Variants in DNER observed in about 807,000 individuals in gnomAD.
DNER encodes delta/notch like EGF repeat containing.
A neutral mutation model predicts 78.2 loss-of-function variants in DNER; 33 were observed. The ratio of observed to expected loss-of-function variants is 0.42; its 90% CI spans 0.32 to 0.56. The LOEUF (loss-of-function observed/expected upper bound fraction) is 0.56, where lower values mean the gene tolerates loss of function less well. DNER is among the 20% of genes least tolerant of loss of function. The pLI, the probability that DNER is intolerant of heterozygous loss-of-function variation, is 0.11. For missense variants in DNER, 918 were observed against 975.3 expected, an observed-to-expected ratio of 0.94 and a Z score of 0.78; for synonymous variants, 417 against 384.8, an observed-to-expected ratio of 1.08 and a Z score of -0.98.
chr2:229,683,346 C>T (rs941182867), intron 1 of DNER, among the ~76,000 whole-genome samples: 2 of 152,170 alleles, frequency 1.3e-5, no homozygotes, highest in Admixed American at 6.5e-5. Flanking sequence ...AACCTTGACA[C>T]GTTGCTGCCT....
At chr2:229,426,056 A>G (rs577036011) in intron 8 of DNER, among the ~76,000 whole-genome samples, 17 of 152,296 alleles carry the variant, frequency 1.1e-4, no homozygotes, top group Non-Finnish European at 1.0e-4. Context: ...TCTTTTCAGC[A>G]TGAGTGGATA....
At chr2:229,685,825 A>C (rs1008670183) in intron 1 of DNER, among the ~76,000 whole-genome samples, 1 of 152,200 alleles carries the variant, frequency 6.6e-6, no homozygotes, top group Non-Finnish European at 1.5e-5. Flanking sequence ...GCAAACGAGT[A>C]AACACATCAA....
intron 1 of DNER, among the ~76,000 whole-genome samples, chr2:229,704,705 T>G (rs972974128): frequency 5.3e-5 from 8 of 152,182 alleles, no homozygotes; most frequent in Admixed American, 5.2e-4. Flanking sequence ...AGGAAATGTA[T>G]AGGGATGATT....
At chr2:229,704,701 TG>T (rs1355375482) in intron 1 of DNER, among the ~76,000 whole-genome samples, 1 of 152,086 alleles carries the variant, frequency 6.6e-6, no homozygotes, top group Non-Finnish European at 1.5e-5. Context: ...CATGAGGAAA[TG>T]TATAGGGATG....
intron 2 of DNER, among the ~76,000 whole-genome samples, chr2:229,589,186 T>C (rs551053004): frequency 2.0e-5 from 3 of 152,198 alleles, no homozygotes; most frequent in Non-Finnish European, 4.4e-5. Context: ...ATTTATGCAC[T>C]TAGTCCTCAT....
chr2:229,489,193 T>A (rs901594080), intron 6 of DNER, among the ~76,000 whole-genome samples: 79 of 152,312 alleles, frequency 5.2e-4, no homozygotes, highest in African/African-American at 1.9e-3. Flanking sequence ...TAAGGCAGCA[T>A]GGCCTGCGGG....
At chr2:229,614,401 G>A (rs1698113823) in intron 1 of DNER, among the ~76,000 whole-genome samples, 1 of 152,006 alleles carries the variant, frequency 6.6e-6, no homozygotes, top group Admixed American at 6.6e-5. Context: ...AACACAAAAA[G>A]ATGGAATGTT....
chr2:229,385,475 A>G (rs932560601), intron 11 of DNER, among the ~76,000 whole-genome samples: 1 of 152,224 alleles, frequency 6.6e-6, no homozygotes, highest in Non-Finnish European at 1.5e-5. Flanking sequence ...TGGCCAGGTC[A>G]ATCAGGCAAG....
chr2:229,483,842 T>C (rs1456266467), intron 6 of DNER, among the ~76,000 whole-genome samples: 1 of 152,192 alleles, frequency 6.6e-6, no homozygotes, highest in Non-Finnish European at 1.5e-5. Flanking sequence ...AACTTCGCTC[T>C]TATTTCTACT....
At chr2:229,496,777 C>T (rs1274173698) in intron 6 of DNER, among the ~76,000 whole-genome samples, 1 of 152,042 alleles carries the variant, frequency 6.6e-6, no homozygotes, top group Non-Finnish European at 1.5e-5. Flanking sequence ...TATATATGTG[C>T]CCAACTTCAG....
chr2:229,656,985 CGTGTGTGT>C lies in DNER; in HGVS notation c.276+57155_276+57162del, dbSNP rs1417445603. ...CAAGACCATCACATCACAGTTACCACGTGTGTGTGTGTGTGTGTGTGTGTGTGGTGAGA... is the reference window on the plus strand; with the variant it reads ...CAAGACCATCACATCACAGTTACCACGTGTGTGTGTGTGTGTGTGGTGAGA... On this transcript the variant is annotated intron_variant, in intron 1 of 12. Coordinates refer to ENST00000341772, the MANE Select transcript of DNER (RefSeq NM_139072.4). Among the ~76,000 whole-genome samples the C allele has an allele frequency of 3.4e-5, 5 of 148,830 alleles. No individual in the cohort carries two copies. The East Asian group carries it at 6.0e-4, about 18-fold the overall frequency.
At chr2:229,528,736 C>T (rs555038991) in intron 5 of DNER, among the ~76,000 whole-genome samples, 5 of 152,288 alleles carry the variant, frequency 3.3e-5, no homozygotes, top group African/African-American at 1.2e-4. Flanking sequence ...AACTAGGAAA[C>T]ACAAATAAGG....
chr2:229,547,014 G>A lies in DNER; in HGVS notation c.926C>T (p.Pro309Leu), dbSNP rs146091979. Reference sequence around the variant, plus strand: ...CAAGTCATTTGCGTGACTCTCCCCCGGCACACAGGTGCTGACCTTCACCAC... The same window carrying A: ...CAAGTCATTTGCGTGACTCTCCCCCAGCACACAGGTGCTGACCTTCACCAC... ...TLVVKVSTCV[P>L]GESHANDLEC... Residue 309 changes from proline (P) to leucine (L), a missense_variant, in exon 5 of 13, where the codon CCG becomes CTG. Transcript: ENST00000341772. 433 of 1,614,046 alleles carry A rather than the reference G, an allele frequency of 2.7e-4. 2 individuals are homozygous for A. The African/African-American group carries it at 4.9e-3, about 18-fold the overall frequency.
intron 12 of DNER, among the ~76,000 whole-genome samples, chr2:229,363,182 A>AG (rs946277030): frequency 6.6e-6 from 1 of 152,162 alleles, no homozygotes; most frequent in Non-Finnish European, 1.5e-5. Flanking sequence ...GAAGAGAGGG[A>AG]GGGGTCTCCT....
chr2:229,697,491 C>A (rs1243014662), intron 1 of DNER, among the ~76,000 whole-genome samples: 1 of 152,176 alleles, frequency 6.6e-6, no homozygotes. Context: ...GTGACTTTTA[C>A]TTCAATAAAA....
intron 1 of DNER, among the ~76,000 whole-genome samples, chr2:229,684,169 A>AGAGTGTGTGT (rs1184050138): frequency 3.6e-4 from 34 of 94,626 alleles, no homozygotes; most frequent in African/African-American, 1.4e-3. Flanking sequence ...AGAGAGAGAG[A>AGAGTGTGTGT]GTGTGTGTGT....
intron 2 of DNER, among the ~76,000 whole-genome samples, chr2:229,590,254 T>C (rs1315262990): frequency 6.6e-6 from 1 of 152,170 alleles, no homozygotes; most frequent in East Asian, 1.9e-4. Flanking sequence ...GAAAAGACTT[T>C]TGAAGAGCTT....
chr2:229,634,181 A>G (rs1698488953), intron 1 of DNER, among the ~76,000 whole-genome samples: 1 of 152,240 alleles, frequency 6.6e-6, no homozygotes, highest in African/African-American at 2.4e-5. Context: ...CGTTAAAAAT[A>G]TTGAACAAAT....
intron 6 of DNER, among the ~76,000 whole-genome samples, chr2:229,502,392 T>C (rs1052744705): frequency 6.6e-6 from 1 of 151,874 alleles, no homozygotes; most frequent in Non-Finnish European, 1.5e-5. Context: ...ACGTTCCTCT[T>C]GCACCCTCCT....
Sources: allele counts gnomAD v4.1 joint callset (sites outside exome capture counted in the v4.1 genomes callset), GRCh38; gene constraint gnomAD v4.1.1; transcripts MANE v1.5; gene names NCBI Gene and HGNC (gene_info 2026-07-23, HGNC 2026-07-21).